The following ITGB3 variants were observed in gnomAD, a reference collection of about 807,000 sequenced individuals.
The protein encoded by ITGB3 is integrin beta-3.
In ITGB3, 48 loss-of-function variants were observed where a neutral mutation model predicts 85.8. The observed-to-expected ratio is 0.56, with a 90% CI of 0.44 to 0.71. ITGB3 has a LOEUF of 0.71. Among genes scored for constraint, ITGB3 ranks in the 30% least tolerant of loss-of-function variants. The probability of loss-of-function intolerance (pLI) is 0.00; values close to 1 mark genes in which losing one functional copy is unlikely to be tolerated. For synonymous variants in ITGB3, 363 were observed against 395.6 expected (o/e 0.92, Z 0.98); for missense variants, 861 against 1,019.1 (o/e 0.84, Z 2.11).
intron 1 of ITGB3, among the ~76,000 whole-genome samples, chr17:47,260,622 G>A (rs1172691718): frequency 6.6e-6 from 1 of 152,160 alleles, no homozygotes; most frequent in Non-Finnish European, 1.5e-5. Flanking sequence ...CATCGCACGT[G>A]TTGAACTCCA....
intron 2 of ITGB3, 68 bp downstream of exon 2, chr17:47,274,572 T>A: frequency 7.4e-7 from 1 of 1,348,088 alleles, no homozygotes; most frequent in Non-Finnish European, 1.1e-6. Context: ...AACAGACCCA[T>A]GAAGTTATCA....
At chr17:47,297,511 C>T (rs1478803519) in intron 10 of ITGB3, among the ~76,000 whole-genome samples, 1 of 152,022 alleles carries the variant, frequency 6.6e-6, no homozygotes, top group Non-Finnish European at 1.5e-5. Context: ...CAAACATTAG[C>T]CGGGCATGGT....
At chr17:47,264,428 A>G (rs983534613) in intron 1 of ITGB3, among the ~76,000 whole-genome samples, 1 of 152,194 alleles carries the variant, frequency 6.6e-6, no homozygotes, top group African/African-American at 2.4e-5. Context: ...ATCCACTGCC[A>G]TCTGTTGCCT....
rs2065137612 is a variant in ITGB3, at chr17:47,294,150, TAC to T, written c.1690+1588_1690+1589del. Among the ~76,000 whole-genome samples the T allele has an allele frequency of 2.6e-5, 4 of 152,242 alleles. No individual in the cohort carries two copies. The South Asian group carries it at 8.3e-4, about 31-fold the overall frequency. The stretch of plus-strand genomic sequence containing the variant: ...GATTAGGGGAGAGCAAGAGATCAGA[TAC>T]ACACAGATGAAAGCACAAACAGCAA... On this transcript the variant is annotated intron_variant, in intron 10 of 14. Coordinates refer to ENST00000559488, the MANE Select transcript of ITGB3 (RefSeq NM_000212.3).
At chr17:47,294,966 G>C (rs989607678) in intron 10 of ITGB3, among the ~76,000 whole-genome samples, 1 of 152,116 alleles carries the variant, frequency 6.6e-6, no homozygotes, top group Non-Finnish European at 1.5e-5. Context: ...CTTCATGGTT[G>C]CTCATGATCA....
chr17:47,259,241 G>A (rs1293650872), intron 1 of ITGB3: 1 of 151,510 alleles, frequency 6.6e-6, no homozygotes, highest in African/African-American at 2.4e-5. Flanking sequence ...CTTGGAGTCA[G>A]AAGTTGTTAA....
intron 2 of ITGB3, among the ~76,000 whole-genome samples, chr17:47,282,747 C>T (rs901692884): frequency 1.4e-4 from 21 of 152,222 alleles, no homozygotes; most frequent in African/African-American, 5.1e-4. Flanking sequence ...ACTGTTTTGA[C>T]TCTGACCTAC....
chr17:47,286,300 G>T lies in ITGB3; in HGVS notation c.655G>T (p.Val219Leu). Residue 219 changes from valine to leucine, a missense_variant, in exon 5 of 15, where the codon GTG (valine) becomes TTG (leucine). By Grantham distance (32) the Val-to-Leu change is conservative. Transcript: ENST00000559488. ...CTTGCCCATGTTTGGCTACAAACAC[G>T]TGCTGACGCTAACTGACCAGGTGAC... is the stretch of plus-strand genomic sequence containing the variant. ...TCLPMFGYKH[V>L]LTLTDQVTRF... 2 of 1,614,160 alleles carry T rather than the reference G, an allele frequency of 1.2e-6. No homozygotes were observed. The highest frequency in any genetic ancestry group is 1.1e-5 in the South Asian group (1 of 91,078).
intron 1 of ITGB3, among the ~76,000 whole-genome samples, chr17:47,267,215 C>T (rs117587335): frequency 9.7e-4 from 148 of 152,308 alleles, no homozygotes; most frequent in Non-Finnish European, 1.7e-3. Flanking sequence ...CCTGTGAAGA[C>T]TGGGGTCAAT....
At chr17:47,275,936 G>A (rs1306278857) in intron 2 of ITGB3, among the ~76,000 whole-genome samples, 2 of 152,214 alleles carry the variant, frequency 1.3e-5, no homozygotes, top group East Asian at 3.8e-4. Context: ...TCAGTGTGAT[G>A]TAGCCTCCTC....
intron 1 of ITGB3, among the ~76,000 whole-genome samples, chr17:47,263,298 C>T (rs1256221718): frequency 2.0e-5 from 3 of 152,116 alleles, no homozygotes; most frequent in African/African-American, 7.2e-5. Context: ...CAGCACATGG[C>T]GACCTAATTA....
rs576181215 is a variant in ITGB3, at chr17:47,289,791, G to T, written c.1035+15G>T. On this transcript the variant is annotated intron_variant, in intron 7 of 14. Coordinates refer to ENST00000559488, the MANE Select transcript of ITGB3 (RefSeq NM_000212.3). ...ATCTCTATCAGGTGACTGTGCCTTC[G>T]GGCTTCCTGGAGTGGGCCCTGTGAT... 6.3e-7 allele frequency: 1 copy of T among 1,597,382 alleles called. No individual in the cohort carries two copies. The highest frequency in any genetic ancestry group is 8.6e-7 in the Non-Finnish European group (1 of 1,164,752).
At chr17:47,302,203 A>C (rs1054639475) in intron 12 of ITGB3, among the ~76,000 whole-genome samples, 2 of 152,136 alleles carry the variant, frequency 1.3e-5, no homozygotes, top group African/African-American at 2.4e-5. Flanking sequence ...ATACTGGATC[A>C]GAAACAGAAA....
At chr17:47,300,612 C>A (rs2065163979) in intron 12 of ITGB3, 34 bp downstream of exon 12, 2 of 1,498,970 alleles carry the variant, frequency 1.3e-6, no homozygotes, top group Non-Finnish European at 1.9e-6. Context: ...TGCACACACC[C>A]AGGTTCTAAA....
rs15908 is a variant in ITGB3 at position 47,290,971 on chromosome 17, A to C, written c.1143A>C (p.Val381=). Residue 381 remains valine (V), a synonymous_variant, in exon 9 of 15, where the codon GTA becomes GTC. Transcript: ENST00000559488. ...CTGCTCAGAAAATCCGTTCTAAAGT[A>C]GAGCTGGAAGTGCGTGACCTCCCTG... The part of the protein sequence containing the change: ...VDAYGKIRSK[V]ELEVRDLPEE... 0.37 allele frequency: 601,028 copies of C among 1,613,444 alleles called. 114,667 individuals are homozygous for C. The highest frequency in any genetic ancestry group is 0.56 in the East Asian group (25,116 of 44,870).
intron 2 of ITGB3, among the ~76,000 whole-genome samples, chr17:47,276,595 A>G (rs1216818048): frequency 6.6e-6 from 1 of 152,146 alleles, no homozygotes; most frequent in African/African-American, 2.4e-5. Flanking sequence ...TATAAACATG[A>G]AAGGAGGCGG....
rs2065209658 is a variant in ITGB3, at chr17:47,310,446, C to G, written c.*242C>G. ...TAAAATTGTGATGTGTCCTGATAAG[C>G]TGAGCTCCTTAGCCTTTGTCCCAGA... is the stretch of plus-strand genomic sequence containing the variant. On this transcript the variant is annotated 3_prime_UTR_variant, in exon 15 of 15. Transcript: ENST00000559488. 1 of 596,684 alleles carries G rather than the reference C, an allele frequency of 1.7e-6. No individual in the cohort carries two copies. 37.0% of individuals were successfully genotyped at this position (596,684 alleles called of 1,614,324 possible).
In ITGB3 at chr17:47,283,495, A is replaced by G; in HGVS notation, c.307A>G (p.Ser103Gly). Residue 103 changes from serine to glycine, a missense_variant, in exon 3 of 15, where the codon AGC becomes GGC. Ser to Gly is a moderately conservative substitution (Grantham distance 56, BLOSUM62 0). Transcript: ENST00000559488. ...CCTCAGCGACAAGGGCTCTGGAGACAGCTCCCAGGTCACTCAAGTCAGTCC... is the reference window on the plus strand; with the variant it reads ...CCTCAGCGACAAGGGCTCTGGAGACGGCTCCCAGGTCACTCAAGTCAGTCC... ...RPLSDKGSGD[S>G]SQVTQVSPQR... 6.2e-7 allele frequency: 1 copy of G among 1,614,254 alleles called. No individual in the cohort carries two copies. Among genetic ancestry groups the G allele is most frequent in the Non-Finnish European group, 8.5e-7 (1 of 1,180,044 alleles).
chr17:47,292,822 ATAAT>A (rs1555572891), intron 10 of ITGB3, among the ~76,000 whole-genome samples: 3 of 152,242 alleles, frequency 2.0e-5, no homozygotes, highest in Non-Finnish European at 2.9e-5. Context: ...AAGGTTAGTA[ATAAT>A]TTTACATGAG....
Sources: gnomAD v4.1 joint callset for allele counts (sites outside exome capture counted in the v4.1 genomes callset) on GRCh38, gnomAD v4.1.1 for gene constraint, MANE v1.5 for transcripts, NCBI Gene and HGNC (gene_info 2026-07-23, HGNC 2026-07-21) for gene names.